Variants in TLL2 observed in about 807,000 individuals in gnomAD.
TLL2 encodes tolloid like 2.
TLL2 carries 106 observed loss-of-function variants against 123.0 expected under a neutral mutation model. The observed-to-expected ratio is 0.86, with a 90% confidence interval of 0.74 to 1.01. The LOEUF is 1.01. TLL2 is among the 50% of genes least tolerant of loss of function. The pLI, the probability that TLL2 is intolerant of heterozygous loss-of-function variation, is 0.00. For missense variants in TLL2, 1,332 were observed against 1,336.7 expected (o/e 1.00, Z 0.06); for synonymous variants, 494 against 516.8 (o/e 0.96, Z 0.60).
At chr10:96,404,730 T>C (rs1846432982) in intron 10 of TLL2, among the ~76,000 whole-genome samples, 1 of 152,196 alleles carries the variant, frequency 6.6e-6, no homozygotes, top group Non-Finnish European at 1.5e-5. Context: ...TATATATATA[T>C]ATAAAATGCA....
chr10:96,487,321 C>T (rs1014545210), intron 1 of TLL2, among the ~76,000 whole-genome samples: 11 of 152,196 alleles, frequency 7.2e-5, no homozygotes, highest in Admixed American at 7.2e-4. Flanking sequence ...TGTCTCTCTC[C>T]CTCCCCCACC....
At chr10:96,426,195 G>T (rs1294450177) in intron 5 of TLL2, among the ~76,000 whole-genome samples, 1 of 151,908 alleles carries the variant, frequency 6.6e-6, no homozygotes, top group Non-Finnish European at 1.5e-5. Flanking sequence ...TCCTAATGTT[G>T]AACTAATCTT....
rs1261793505 is a variant in TLL2 at position 96,368,308 on chromosome 10, G to A, written c.2914-86C>T. 7 of 1,505,434 alleles carry A rather than the reference G, an allele frequency of 4.6e-6. No homozygotes were observed. The Admixed American group carries it at 1.1e-4, about 23-fold the overall frequency. The allele number at this position is 1,505,434 out of a possible 1,614,324, so 93.3% of individuals were successfully genotyped here. A position where few individuals can be genotyped will look rare whatever the true frequency, so the allele number is the denominator to read the frequency against. On this transcript the variant is annotated intron_variant, in intron 20 of 20. Coordinates refer to ENST00000357947, the MANE Select transcript of TLL2 (RefSeq NM_012465.4). ...GAGGATGGGACAGGATCTTATGCAAGGACACAGGATGTGTCTCTGGTACCA... is the reference window on the plus strand; with the variant it reads ...GAGGATGGGACAGGATCTTATGCAAAGACACAGGATGTGTCTCTGGTACCA...
At chr10:96,504,672 C>T (rs1173144502) in intron 1 of TLL2, among the ~76,000 whole-genome samples, 1 of 152,162 alleles carries the variant, frequency 6.6e-6, no homozygotes, top group East Asian at 1.9e-4. Context: ...TTAAAAATCA[C>T]CAGGCTTTGA....
intron 19 of TLL2, chr10:96,373,331 G>A (rs1018756575): frequency 2.7e-6 from 1 of 368,368 alleles, no homozygotes; most frequent in Non-Finnish European, 5.2e-6. Flanking sequence ...AGTAGAGACG[G>A]GGTTTCACCA....
intron 5 of TLL2, among the ~76,000 whole-genome samples, chr10:96,424,117 T>C (rs1209059800): frequency 6.6e-6 from 1 of 151,894 alleles, no homozygotes; most frequent in Non-Finnish European, 1.5e-5. Context: ...ACAATTGAAC[T>C]CATGCAGATA....
At chr10:96,439,011 G>A (rs567626938) in intron 3 of TLL2, among the ~76,000 whole-genome samples, 2 of 151,052 alleles carry the variant, frequency 1.3e-5, no homozygotes, top group Admixed American at 6.6e-5. Context: ...ATCCCACTGG[G>A]TTATGCTGTA....
Position 96,422,593 on chromosome 10 carries a change from T to A in TLL2, c.773A>T (p.Asp258Val). Residue 258 changes from aspartate to valine, a missense_variant, in exon 6 of 21, where the codon GAC (aspartate) becomes GTC (valine). Physicochemically the swap from Asp to Val is radical, Grantham distance 152. Transcript: ENST00000357947. Reference protein sequence around the residue: ...VGFWHEHTRPDRDQHVTIIRE... With the variant: ...VGFWHEHTRPVRDQHVTIIRE... The stretch of plus-strand genomic sequence containing the variant: ...GATGATGGTGACATGTTGGTCTCTG[T>A]CTGGCCGGGTGTGTTCATGCCAAAA... 2 of 1,614,210 alleles carry A rather than the reference T, an allele frequency of 1.2e-6. No individual in the cohort carries two copies. The highest frequency in any genetic ancestry group is 2.2e-5 in the South Asian group (2 of 91,076).
chr10:96,424,909 C>T (rs542834578), intron 5 of TLL2, among the ~76,000 whole-genome samples: 22 of 151,654 alleles, frequency 1.5e-4, no homozygotes, highest in Non-Finnish European at 2.7e-4. Context: ...CTATACTCTT[C>T]GATTTTTTCT....
chr10:96,370,943 T>C (rs1334507923), intron 19 of TLL2, among the ~76,000 whole-genome samples: 1 of 152,008 alleles, frequency 6.6e-6, no homozygotes, highest in East Asian at 2.0e-4. Context: ...TCTGGGTTTT[T>C]TCATTATACA....
chr10:96,387,167 G>A (rs750152254), intron 13 of TLL2, 89 bp from the exon 14 acceptor site: 52 of 1,554,326 alleles, frequency 3.3e-5, no homozygotes, highest in Middle Eastern at 3.4e-4. Context: ...TCACCAGCAA[G>A]TGTCCTCTAA....
At chr10:96,462,907 T>C (rs1168820966) in intron 2 of TLL2, among the ~76,000 whole-genome samples, 1 of 152,144 alleles carries the variant, frequency 6.6e-6, no homozygotes, top group Non-Finnish European at 1.5e-5. Context: ...TGGCACTAAA[T>C]ATAGCACAAG....
At chr10:96,434,397 T>C (rs1333254112) in intron 3 of TLL2, among the ~76,000 whole-genome samples, 1 of 152,214 alleles carries the variant, frequency 6.6e-6, no homozygotes, top group Non-Finnish European at 1.5e-5. Context: ...CAACTTTGTT[T>C]CTATGAATTT....
chr10:96,448,297 G>A (rs963296823), intron 2 of TLL2, among the ~76,000 whole-genome samples: 2 of 152,144 alleles, frequency 1.3e-5, no homozygotes, highest in Non-Finnish European at 2.9e-5. Context: ...ATTTCCTCTC[G>A]GGCTAAAGGT....
In TLL2 at chr10:96,396,002, A is replaced by G; in HGVS notation, c.1403T>C (p.Met468Thr). The G allele has an allele frequency of 1.2e-6, 2 of 1,614,096 alleles. No individual in the cohort carries two copies. The highest frequency in any genetic ancestry group is 1.7e-6 in the Non-Finnish European group (2 of 1,180,012). ...TTGAATCTGACCGGCATCTTTGTTC[A>G]TGTCTCCCCCGCAGGTAGCTTTAGA... is the stretch of plus-strand genomic sequence containing the variant. Reference protein sequence around the residue: ...AAYEATCGGDMNKDAGQIQSP... With the variant: ...AAYEATCGGDTNKDAGQIQSP... The change falls in exon 12 of 21, where the codon ATG becomes ACG. Residue 468 changes from methionine (M) to threonine (T), a missense_variant. Coordinates refer to ENST00000357947, the MANE Select transcript of TLL2 (RefSeq NM_012465.4).
chr10:96,429,471 G>A (rs769312858), intron 4 of TLL2, among the ~76,000 whole-genome samples: 2 of 152,114 alleles, frequency 1.3e-5, no homozygotes, highest in Non-Finnish European at 2.9e-5. Context: ...CCAAAACCTA[G>A]AGAGTAGGAG....
intron 3 of TLL2, among the ~76,000 whole-genome samples, chr10:96,443,556 C>T (rs1399555081): frequency 6.6e-6 from 1 of 152,216 alleles, no homozygotes; most frequent in Non-Finnish European, 1.5e-5. Flanking sequence ...AAGAACCACC[C>T]TACTGAACCC....
At chr10:96,484,200 A>C (rs1360675022) in intron 1 of TLL2, among the ~76,000 whole-genome samples, 1 of 152,110 alleles carries the variant, frequency 6.6e-6, no homozygotes, top group Non-Finnish European at 1.5e-5. Flanking sequence ...TGTCACTTCC[A>C]AGCAGAACCT....
At chr10:96,398,171 T>G (rs924181381) in intron 10 of TLL2, among the ~76,000 whole-genome samples, 10 of 152,054 alleles carry the variant, frequency 6.6e-5, no homozygotes, top group African/African-American at 2.4e-4. Flanking sequence ...AAGAGGGGGA[T>G]GGAAGTGACT....
Sources: allele counts gnomAD v4.1 joint callset (sites outside exome capture counted in the v4.1 genomes callset), GRCh38; gene constraint gnomAD v4.1.1; transcripts MANE v1.5; gene names NCBI Gene and HGNC (gene_info 2026-07-23, HGNC 2026-07-21).